MCPH1: variants seen among roughly 807,000 people sequenced by gnomAD.
The protein encoded by MCPH1 is microcephalin.
MCPH1 carries 104 observed loss-of-function variants against 84.5 expected under a neutral mutation model. The ratio of observed to expected loss-of-function variants is 1.23; its 90% confidence interval spans 1.05 to 1.45. The LOEUF (loss-of-function observed/expected upper bound fraction) is 1.45, where lower values mean the gene tolerates loss of function less well. Ranked by LOEUF, MCPH1 falls within the 40% of genes most tolerant of loss-of-function variation. The pLI, the probability that MCPH1 is intolerant of heterozygous loss-of-function variation, is 0.00. For synonymous variants in MCPH1, 514 were observed against 366.8 expected (o/e 1.40, Z -4.58); for missense variants, 1,498 against 1,005.7 (o/e 1.49, Z -6.62).
At chr8:6,588,017 C>T (rs886713313) in intron 12 of MCPH1, among the ~76,000 whole-genome samples, 1 of 152,232 alleles carries the variant, frequency 6.6e-6, no homozygotes, top group African/African-American at 2.4e-5. Context: ...TGTCTGAAGT[C>T]AGCTTCCCAT....
intron 13 of MCPH1, chr8:6,634,945 G>C (rs778303675): frequency 6.6e-6 from 1 of 152,232 alleles, no homozygotes; most frequent in Non-Finnish European, 1.5e-5. Context: ...CAGGAGCTGA[G>C]CATGAAGGAT....
chr8:6,631,425 G>A (rs553795390), intron 13 of MCPH1, among the ~76,000 whole-genome samples: 10 of 151,808 alleles, frequency 6.6e-5, no homozygotes, highest in Admixed American at 2.6e-4. Context: ...TGCAAATAAC[G>A]GGTTAATCTT....
At chr8:6,426,019 C>G (rs576315707) in intron 3 of MCPH1, among the ~76,000 whole-genome samples, 1 of 152,156 alleles carries the variant, frequency 6.6e-6, no homozygotes, top group Non-Finnish European at 1.5e-5. Flanking sequence ...CTAAAAACTT[C>G]TCATGCTTAA....
intron 8 of MCPH1, among the ~76,000 whole-genome samples, chr8:6,448,506 A>G (rs1302041770): frequency 6.6e-6 from 1 of 152,182 alleles, no homozygotes; most frequent in Non-Finnish European, 1.5e-5. Context: ...CAGGGGAGCA[A>G]CCAAATCTGA....
At chr8:6,474,099 A>C (rs1808123781) in intron 9 of MCPH1, 7 of 771,980 alleles carry the variant, frequency 9.1e-6, no homozygotes. Flanking sequence ...ATGTGAAACC[A>C]GCGTTCAGGG....
intron 3 of MCPH1, among the ~76,000 whole-genome samples, chr8:6,424,537 T>C (rs2922835): frequency 0.018 from 2,689 of 152,348 alleles, 86 homozygotes; most frequent in African/African-American, 0.061. Context: ...CTTCTCACCC[T>C]GCAGCCATTC....
intron 12 of MCPH1, chr8:6,508,907 TAGGA>T: frequency 6.2e-7 from 1 of 1,613,958 alleles, no homozygotes; most frequent in Non-Finnish European, 8.5e-7. Flanking sequence ...CCAATACAAA[TAGGA>T]AGACAGAAAG....
At chr8:6,429,776 C>G (rs1170953994) in intron 3 of MCPH1, among the ~76,000 whole-genome samples, 1 of 151,992 alleles carries the variant, frequency 6.6e-6, no homozygotes, top group Non-Finnish European at 1.5e-5. Flanking sequence ...TTTGCTGAAT[C>G]TTTAGCGTCT....
At chr8:6,446,690 AG>A in intron 8 of MCPH1, 1 of 985,110 alleles carries the variant, frequency 1.0e-6, no homozygotes, top group Non-Finnish European at 1.2e-6. Flanking sequence ...TCCTGTTCTG[AG>A]GTTTACATTC....
intron 12 of MCPH1, among the ~76,000 whole-genome samples, chr8:6,553,150 C>T (rs1027204582): frequency 1.3e-5 from 2 of 152,126 alleles, no homozygotes; most frequent in South Asian, 4.2e-4. Flanking sequence ...CAGTGCACCA[C>T]TCTGGTGCAG....
intron 9 of MCPH1, among the ~76,000 whole-genome samples, chr8:6,475,133 G>T (rs1001102611): frequency 1.3e-5 from 2 of 152,174 alleles, no homozygotes; most frequent in African/African-American, 4.8e-5. Flanking sequence ...TTCTCACTTG[G>T]TAAGACCATC....
chr8:6,476,075 G>C (rs1369622640), intron 9 of MCPH1, among the ~76,000 whole-genome samples: 2 of 152,140 alleles, frequency 1.3e-5, no homozygotes, highest in Admixed American at 6.6e-5. Flanking sequence ...TCACTACAGT[G>C]GCATTTCCAC....
intron 12 of MCPH1, among the ~76,000 whole-genome samples, chr8:6,505,342 A>G (rs1813258732): frequency 7.0e-5 from 3 of 42,726 alleles, no homozygotes; most frequent in African/African-American, 3.2e-4. Flanking sequence ...TAGAAAGAAT[A>G]TATATATTCT....
intron 12 of MCPH1, among the ~76,000 whole-genome samples, chr8:6,553,682 T>A (rs1048506122): frequency 1.3e-5 from 2 of 149,162 alleles, no homozygotes; most frequent in Admixed American, 6.6e-5. Context: ...TTTTTTTTTT[T>A]ACCTCTCCCC....
At chr8:6,418,428 A>G (rs1384795008) in intron 3 of MCPH1, among the ~76,000 whole-genome samples, 3 of 152,112 alleles carry the variant, frequency 2.0e-5, no homozygotes, top group South Asian at 4.1e-4. Flanking sequence ...TCCAGGACGT[A>G]TAGCTTATAG....
chr8:6,619,922 C>T (rs1831236592), intron 12 of MCPH1, among the ~76,000 whole-genome samples: 1 of 152,156 alleles, frequency 6.6e-6, no homozygotes, highest in South Asian at 2.1e-4. Flanking sequence ...GTATGTGTGT[C>T]CTACTTTAAA....
chr8:6,463,365 C>T (rs1000280080), intron 9 of MCPH1, among the ~76,000 whole-genome samples: 1 of 152,164 alleles, frequency 6.6e-6, no homozygotes, highest in Non-Finnish European at 1.5e-5. Context: ...CGATAGGGTA[C>T]TCACAGCTGT....
At chr8:6,630,794 C>CAAAAAAAAAAAAAA (rs11313780) in intron 13 of MCPH1, among the ~76,000 whole-genome samples, 1 of 129,526 alleles carries the variant, frequency 7.7e-6, no homozygotes. Context: ...AAAAAAAAAA[C>CAAAAAAAAAAAAAA]AAAAAAAAAA....
intron 12 of MCPH1, among the ~76,000 whole-genome samples, chr8:6,575,469 C>T (rs950680453): frequency 6.6e-6 from 1 of 152,082 alleles, no homozygotes; most frequent in Non-Finnish European, 1.5e-5. Flanking sequence ...CCAGGGTGGT[C>T]AGTAAAAAGG....
Sources: allele counts gnomAD v4.1 joint callset (sites outside exome capture counted in the v4.1 genomes callset), GRCh38; gene constraint gnomAD v4.1.1; transcripts MANE v1.5; gene names NCBI Gene and HGNC (gene_info 2026-07-23, HGNC 2026-07-21).